Variants in SPAG16 observed in about 807,000 individuals in gnomAD.
SPAG16 encodes the protein sperm associated antigen 16.
A neutral mutation model predicts 80.4 loss-of-function variants in SPAG16; 86 were observed. That is an observed-to-expected ratio of 1.07 (90% CI 0.90 to 1.28). The LOEUF (loss-of-function observed/expected upper bound fraction) is 1.28. Ranked by LOEUF, SPAG16 falls within the 50% of genes most tolerant of loss-of-function variation. The pLI is 0.00. For missense variants in SPAG16, 870 were observed against 765.3 expected (o/e 1.14, Z -1.61); for synonymous variants, 294 against 265.9 (o/e 1.11, Z -1.03).
intron 10 of SPAG16, among the ~76,000 whole-genome samples, chr2:213,544,672 A>G (rs186675423): frequency 1.5e-4 from 23 of 152,068 alleles, no homozygotes; most frequent in East Asian, 1.3e-3. Context: ...TGCTCTACCT[A>G]TTCATATCGC....
intron 10 of SPAG16, among the ~76,000 whole-genome samples, chr2:213,496,594 G>A (rs1304131218): frequency 1.3e-5 from 2 of 151,550 alleles, no homozygotes; most frequent in Non-Finnish European, 2.9e-5. Flanking sequence ...TGAAAATATG[G>A]GCATTATAGA....
chr2:213,470,561 G>T (rs2125655611), intron 9 of SPAG16, among the ~76,000 whole-genome samples: 1 of 152,272 alleles, frequency 6.6e-6, no homozygotes, highest in Non-Finnish European at 1.5e-5. Flanking sequence ...GTGCCATATT[G>T]TGGGCTCAGT....
chr2:214,007,770 T>C (rs939194329), intron 12 of SPAG16, among the ~76,000 whole-genome samples: 4 of 152,194 alleles, frequency 2.6e-5, no homozygotes, highest in Non-Finnish European at 5.9e-5. Flanking sequence ...ATGTTTTGCT[T>C]TTGACAGTTG....
intron 4 of SPAG16, among the ~76,000 whole-genome samples, chr2:213,316,791 GTTTGTCAT>G (rs2063417361): frequency 6.6e-6 from 1 of 151,976 alleles, no homozygotes; most frequent in African/African-American, 2.4e-5. Flanking sequence ...TGTCAGTCAT[GTTTGTCAT>G]TCATGCCCAC....
At chr2:213,663,452 G>A (rs971874682) in intron 10 of SPAG16, among the ~76,000 whole-genome samples, 2 of 152,062 alleles carry the variant, frequency 1.3e-5, no homozygotes, top group East Asian at 1.9e-4. Flanking sequence ...TGTAACACTA[G>A]CAAGTATGTT....
chr2:213,901,477 A>T (rs2077217976), intron 11 of SPAG16, among the ~76,000 whole-genome samples: 1 of 152,202 alleles, frequency 6.6e-6, no homozygotes, highest in African/African-American at 2.4e-5. Flanking sequence ...ACCATGTCTT[A>T]TAACTTTTGT....
intron 13 of SPAG16, among the ~76,000 whole-genome samples, chr2:214,035,268 G>A (rs537685267): frequency 2.6e-4 from 39 of 152,162 alleles, no homozygotes; most frequent in African/African-American, 8.4e-4. Context: ...GTTCCCACTC[G>A]CGTCCATGGG....
chr2:213,875,330 T>C (rs989651365), intron 11 of SPAG16, among the ~76,000 whole-genome samples: 1 of 151,990 alleles, frequency 6.6e-6, no homozygotes, highest in African/African-American at 2.4e-5. Context: ...TTAAGATAAG[T>C]TTAGAGTCCA....
intron 15 of SPAG16, among the ~76,000 whole-genome samples, chr2:214,202,199 C>T (rs1195882094): frequency 6.6e-6 from 1 of 152,182 alleles, no homozygotes; most frequent in Non-Finnish European, 1.5e-5. Flanking sequence ...GGAGACGTTA[C>T]ACCAACAAAG....
At chr2:214,281,648 G>C (rs1692947797) in intron 15 of SPAG16, among the ~76,000 whole-genome samples, 1 of 152,092 alleles carries the variant, frequency 6.6e-6, no homozygotes, top group South Asian at 2.1e-4. Flanking sequence ...CAGTTTTTTA[G>C]AAAGTTTAAT....
chr2:213,999,783 A>G (rs2046700442), intron 12 of SPAG16, among the ~76,000 whole-genome samples: 2 of 152,254 alleles, frequency 1.3e-5, no homozygotes, highest in Admixed American at 1.3e-4. Flanking sequence ...CGTGACCTGG[A>G]TGTGAGACTT....
intron 10 of SPAG16, among the ~76,000 whole-genome samples, chr2:213,768,388 T>G (rs2069059970): frequency 6.6e-6 from 1 of 151,996 alleles, no homozygotes; most frequent in South Asian, 2.1e-4. Context: ...TGAGCAAGAG[T>G]GTAGACAGAA....
At chr2:213,928,311 C>G (rs958758625) in intron 11 of SPAG16, among the ~76,000 whole-genome samples, 1 of 150,658 alleles carries the variant, frequency 6.6e-6, no homozygotes, top group Non-Finnish European at 1.5e-5. Flanking sequence ...CCAGGATGGT[C>G]TCTATCTCCT....
intron 10 of SPAG16, among the ~76,000 whole-genome samples, chr2:213,578,813 A>G (rs1357943215): frequency 6.6e-6 from 1 of 152,062 alleles, no homozygotes; most frequent in Non-Finnish European, 1.5e-5. Flanking sequence ...GGTAACAAAT[A>G]TCAGCTTTGT....
intron 10 of SPAG16, among the ~76,000 whole-genome samples, chr2:213,640,537 T>A (rs113692489): frequency 6.6e-6 from 1 of 152,146 alleles, no homozygotes; most frequent in South Asian, 2.1e-4. Context: ...AGCCACCCAG[T>A]GGGGCTACAG....
chr2:213,678,694 TC>T (rs1361899063), intron 10 of SPAG16, among the ~76,000 whole-genome samples: 1 of 152,168 alleles, frequency 6.6e-6, no homozygotes, highest in Non-Finnish European at 1.5e-5. Flanking sequence ...AAAGCTCACT[TC>T]CTGGCAGTGC....
intron 10 of SPAG16, among the ~76,000 whole-genome samples, chr2:213,772,658 G>A (rs1286620927): frequency 6.6e-6 from 1 of 151,970 alleles, no homozygotes. Flanking sequence ...TTTATAATAA[G>A]CCTTAATGTC....
At chr2:214,270,944 T>C (rs1559170167) in intron 15 of SPAG16, among the ~76,000 whole-genome samples, 1 of 152,186 alleles carries the variant, frequency 6.6e-6, no homozygotes, top group East Asian at 1.9e-4. Context: ...GTAACCTTTT[T>C]CTACCTTTTT....
At chr2:214,283,795 C>A (rs923693843) in intron 15 of SPAG16, among the ~76,000 whole-genome samples, 1 of 152,136 alleles carries the variant, frequency 6.6e-6, no homozygotes, top group African/African-American at 2.4e-5. Context: ...TAAAGATATT[C>A]AGCCAATTCC....
Sources: allele counts gnomAD v4.1 joint callset (sites outside exome capture counted in the v4.1 genomes callset), GRCh38; gene constraint gnomAD v4.1.1; transcripts MANE v1.5; gene names NCBI Gene and HGNC (gene_info 2026-07-23, HGNC 2026-07-21).